SCUBE1: variants seen among roughly 807,000 people sequenced by gnomAD.
SCUBE1 encodes the protein signal peptide, CUB domain and EGF like domain containing 1, also known as signal peptide, CUB and EGF-like domain-containing protein 1.
A neutral mutation model predicts 124.4 loss-of-function variants in SCUBE1; 59 were observed. The observed-to-expected ratio is 0.47, with a 90% CI of 0.38 to 0.59. The LOEUF (loss-of-function observed/expected upper bound fraction) is 0.59. Ranked by LOEUF, SCUBE1 falls within the 20% of genes least tolerant of loss-of-function variation. The probability of loss-of-function intolerance (pLI) is 0.00; values close to 1 mark genes in which losing one functional copy is unlikely to be tolerated. For synonymous variants in SCUBE1, 545 were observed against 550.9 expected, an observed-to-expected ratio of 0.99 and a Z score of 0.15; for missense variants, 1,150 against 1,371.2, an observed-to-expected ratio of 0.84 and a Z score of 2.55.
chr22:43,283,705 A>C (rs1270642889), intron 4 of SCUBE1: 1 of 152,294 alleles, frequency 6.6e-6, no homozygotes, highest in Admixed American at 6.5e-5. Context: ...CTGGATGTTA[A>C]ACTCTAGTGA....
At chr22:43,306,635 G>A (rs188929842) in intron 3 of SCUBE1, among the ~76,000 whole-genome samples, 4 of 152,256 alleles carry the variant, frequency 2.6e-5, no homozygotes, top group East Asian at 3.9e-4. Flanking sequence ...GGGAAGGGAC[G>A]AGCAGGTGAA....
At position 43,343,297 on chromosome 22, in the gene SCUBE1, G is replaced by T; in HGVS notation, c.-36C>A. 9.6e-7 allele frequency: 1 copy of T among 1,040,754 alleles called. No individual in the cohort carries two copies. The highest frequency in any genetic ancestry group is 4.5e-5 in the South Asian group (1 of 22,120). 64.5% of individuals were successfully genotyped at this position (1,040,754 alleles called of 1,614,324 possible). On this transcript the variant is annotated 5_prime_UTR_variant, in exon 1 of 22. Transcript: ENST00000360835. The stretch of plus-strand genomic sequence containing the variant: ...GGCCCCGCTGGGCGTGCGGGCGTGC[G>T]GGGCGCGGGGACCCGACCGACCGGC...
At chr22:43,227,015 C>T (rs1234442000) in intron 10 of SCUBE1, among the ~76,000 whole-genome samples, 1 of 152,164 alleles carries the variant, frequency 6.6e-6, no homozygotes, top group Admixed American at 6.5e-5. Context: ...AGAGGAGAGG[C>T]CTCCACACCC....
chr22:43,212,337 G>A (rs1412187689), intron 17 of SCUBE1, 88 bp downstream of exon 17: 5 of 1,397,462 alleles, frequency 3.6e-6, no homozygotes, highest in Non-Finnish European at 4.8e-6. Context: ...GCCACATGGA[G>A]GAGATGAGAG....
chr22:43,323,038 A>C lies in SCUBE1; in HGVS notation c.221-2973T>G, dbSNP rs377695101. Among the ~76,000 whole-genome samples, 3 of 152,224 alleles carry C rather than the reference A, an allele frequency of 2.0e-5. No homozygotes were observed. The East Asian group carries it at 5.8e-4, about 29-fold the overall frequency. Reference sequence around the variant, plus strand: ...GCAAGGATCAGAACAAAGGTCTTTCAGTCTAGGAAGCCCACGTCCTTTCTA... The same window carrying C: ...GCAAGGATCAGAACAAAGGTCTTTCCGTCTAGGAAGCCCACGTCCTTTCTA... On this transcript the variant is annotated intron_variant, in intron 2 of 21. Coordinates refer to ENST00000360835, the MANE Select transcript of SCUBE1 (RefSeq NM_173050.5).
In SCUBE1 at chr22:43,218,478, A is replaced by G; in HGVS notation, c.1688-20T>C. 1 of 1,604,718 alleles carries G rather than the reference A, an allele frequency of 6.2e-7. No homozygotes were observed. The highest frequency in any genetic ancestry group is 8.5e-7 in the Non-Finnish European group (1 of 1,178,262). On this transcript the variant is annotated intron_variant, in intron 14 of 21. Coordinates refer to ENST00000360835, the MANE Select transcript of SCUBE1 (RefSeq NM_173050.5). ...ATGTGTCTGCAGGGGCAGGAGAGAC[A>G]GAACATGAATCGCTGGCAACCTTGC...
At chr22:43,238,793 C>G (rs768298952) in intron 7 of SCUBE1, 45 bp downstream of exon 7, 2 of 1,508,064 alleles carry the variant, frequency 1.3e-6, no homozygotes, top group South Asian at 2.2e-5. Context: ...GGCTCTTGGC[C>G]AGGCCAGTAC....
chr22:43,303,042 C>T (rs190755760), intron 3 of SCUBE1, among the ~76,000 whole-genome samples: 57 of 152,344 alleles, frequency 3.7e-4, no homozygotes, highest in African/African-American at 1.4e-3. Context: ...GGTCCTCTGG[C>T]CAGTTCATCC....
chr22:43,342,624 C>A lies in SCUBE1; in HGVS notation c.88+550G>T, dbSNP rs1040439261. ...CCCCTGATCCACCGGCCTCCTCCTC[C>A]TTCCCCGGGCGGTGCGGGCCTCCTC... On this transcript the variant is annotated intron_variant, in intron 1 of 21. Transcript: ENST00000360835. Among the ~76,000 whole-genome samples the A allele has an allele frequency of 5.3e-5, 8 of 152,190 alleles. No homozygotes were observed. The East Asian group carries it at 1.6e-3, about 30-fold the overall frequency.
intron 6 of SCUBE1, among the ~76,000 whole-genome samples, chr22:43,252,136 G>A (rs1473460567): frequency 6.6e-6 from 1 of 152,256 alleles, no homozygotes; most frequent in Non-Finnish European, 1.5e-5. Context: ...CTTCACCTGT[G>A]CTCAGGGACT....
chr22:43,208,227 G>T lies in SCUBE1; in HGVS notation c.2582-3C>A. 1 of 1,613,724 alleles carries T rather than the reference G, an allele frequency of 6.2e-7. No individual in the cohort carries two copies. Among genetic ancestry groups the T allele is most frequent in the African/African-American group, 1.3e-5 (1 of 74,970 alleles). On this transcript the variant is annotated splice_region_variant and splice_polypyrimidine_tract_variant and intron_variant, in intron 19 of 21. Coordinates refer to ENST00000360835, the MANE Select transcript of SCUBE1 (RefSeq NM_173050.5). ...GGTGGTGATGGACGTGGGAGAGGCT[G>T]CGGGTGAAGCATCATTGCTGAGCTG...
intron 21 of SCUBE1, among the ~76,000 whole-genome samples, chr22:43,204,679 TCA>T (rs1362838749): frequency 6.6e-6 from 1 of 151,200 alleles, no homozygotes; most frequent in African/African-American, 2.4e-5. Context: ...GTGTGGTGGC[TCA>T]CACCTGTAAT....
Position 43,262,849 on chromosome 22 carries a change from G to C in SCUBE1, c.485-4C>G, listed in dbSNP as rs1302999670. 6.2e-7 allele frequency: 1 copy of C among 1,608,632 alleles called. No homozygotes were observed. The highest frequency in any genetic ancestry group is 1.3e-5 in the African/African-American group (1 of 74,830). ...TTGTTCATGCAGTTCATACCCTCTGGGAAGAGAGACAGACAAGAGACGGGT... is the reference window on the plus strand; with the variant it reads ...TTGTTCATGCAGTTCATACCCTCTGCGAAGAGAGACAGACAAGAGACGGGT... On this transcript the variant is annotated splice_region_variant and splice_polypyrimidine_tract_variant and intron_variant, in intron 4 of 21. Transcript: ENST00000360835.
intron 6 of SCUBE1, among the ~76,000 whole-genome samples, chr22:43,254,142 T>C (rs550298327): frequency 8.3e-4 from 127 of 152,350 alleles, no homozygotes; most frequent in African/African-American, 3.0e-3. Context: ...CCAGAGAATT[T>C]GAGGAGAACT....
In SCUBE1 at chr22:43,210,931, G is replaced by A; in HGVS notation, c.2374C>T (p.His792Tyr). ...TDFDGSTNVT[H>Y]CKNQHCGGEL... Reference sequence around the variant, plus strand: ...GAGCAGCAGCACCCACTTTTGCAGTGTGTGACGTTGGTGGAGCCATCGAAG... The same window carrying A: ...GAGCAGCAGCACCCACTTTTGCAGTATGTGACGTTGGTGGAGCCATCGAAG... The change falls in exon 18 of 22, where the codon CAC (histidine) becomes TAC (tyrosine). Residue 792 changes from histidine to tyrosine, a missense_variant. Physicochemically the swap from His to Tyr is moderately conservative, Grantham distance 83. This residue lies in a region of SCUBE1 where 757 missense variants were observed against 840.9 expected (regional missense o/e 0.90). Coordinates refer to ENST00000360835, the MANE Select transcript of SCUBE1 (RefSeq NM_173050.5). This position sits in a 1 kb window ranked among gnomAD's most constrained non-coding sequence, Gnocchi z 4.5. 2 of 1,614,070 alleles carry A rather than the reference G, an allele frequency of 1.2e-6. No individual in the cohort carries two copies. Among genetic ancestry groups the A allele is most frequent in the Non-Finnish European group, 1.7e-6 (2 of 1,180,002 alleles).
intron 6 of SCUBE1, among the ~76,000 whole-genome samples, chr22:43,244,329 G>A (rs949319592): frequency 1.1e-4 from 17 of 152,214 alleles, no homozygotes; most frequent in African/African-American, 4.1e-4. Context: ...AGCGCTGTCT[G>A]TGTGTGCAGA....
intron 3 of SCUBE1, among the ~76,000 whole-genome samples, chr22:43,316,363 C>G (rs1044543960): frequency 6.6e-6 from 1 of 152,236 alleles, no homozygotes; most frequent in African/African-American, 2.4e-5. Flanking sequence ...TTTTAACTGG[C>G]TGTCCCAAAG....
chr22:43,231,904 G>A (rs748499323), intron 7 of SCUBE1, 29 bp from the exon 8 acceptor site: 10 of 1,606,500 alleles, frequency 6.2e-6, no homozygotes, highest in Non-Finnish European at 8.5e-6. Context: ...ATGGAGGAGT[G>A]AGAGCCAGGA....
intron 3 of SCUBE1, among the ~76,000 whole-genome samples, chr22:43,315,715 C>T (rs17003648): frequency 0.013 from 1,622 of 124,616 alleles, 32 homozygotes; most frequent in African/African-American, 0.046. Context: ...AAGTTAGAGC[C>T]GCGTGAGGTT....
Sources: gnomAD v4.1 joint callset for allele counts (sites outside exome capture counted in the v4.1 genomes callset) on GRCh38, gnomAD v4.1.1 for gene constraint, gnomAD v4.1.1 regional missense constraint, Gnocchi (gnomAD v3.1) non-coding constraint, MANE v1.5 for transcripts, NCBI Gene and HGNC (gene_info 2026-07-23, HGNC 2026-07-21) for gene names.